The following ZNF573 variants were observed in gnomAD, a reference collection of about 807,000 sequenced individuals.
ZNF573 encodes the protein zinc finger protein 573.
In ZNF573, 41 loss-of-function variants were observed where a neutral mutation model predicts 57.4. The observed-to-expected ratio is 0.71, with a 90% CI of 0.56 to 0.93. The LOEUF (loss-of-function observed/expected upper bound fraction) is 0.93, where lower values mean the gene tolerates loss of function less well. Ranked by LOEUF, ZNF573 falls within the 40% of genes least tolerant of loss-of-function variation. The probability of loss-of-function intolerance (pLI) is 0.00; values close to 1 mark genes in which losing one functional copy is unlikely to be tolerated. For missense variants in ZNF573, 730 were observed against 794.8 expected, an observed-to-expected ratio of 0.92 and a Z score of 0.98; for synonymous variants, 249 against 261.0, an observed-to-expected ratio of 0.95 and a Z score of 0.44.
intron 4 of ZNF573, among the ~76,000 whole-genome samples, chr19:37,740,896 C>T (rs1426636158): frequency 2.0e-5 from 3 of 152,146 alleles, no homozygotes; most frequent in Non-Finnish European, 2.9e-5. Flanking sequence ...CTTACAATAC[C>T]CAATACAATG....
intron 4 of ZNF573, 120 bp downstream of exon 4, chr19:37,769,885 G>A: frequency 2.6e-6 from 2 of 772,810 alleles, no homozygotes; most frequent in Middle Eastern, 2.3e-4. Context: ...CAGGTTGTAG[G>A]CCTTTGCTCC....
chr19:37,771,520 T>C (rs566082505), intron 3 of ZNF573, 44 bp downstream of exon 3: 4 of 1,590,940 alleles, frequency 2.5e-6, no homozygotes, highest in Non-Finnish European at 3.4e-6. Context: ...AAAGGTAACA[T>C]ATCACAGATC....
rs935898131 is a variant in ZNF573 at position 37,764,685 on chromosome 19, G to A, written c.295+5320C>T. 2.0e-5 allele frequency among the ~76,000 whole-genome samples: 3 copies of A among 146,932 alleles called. No individual in the cohort carries two copies. The South Asian group carries it at 6.5e-4, about 32-fold the overall frequency. The stretch of plus-strand genomic sequence containing the variant: ...GTGGTGCTATCTTGGCTCACTGCAA[G>A]CTCCACCTCCCGGGTTCACACCATT... On this transcript the variant is annotated intron_variant, in intron 4 of 4. Transcript: ENST00000536220.
At chr19:37,755,985 C>T (rs7250331) in intron 4 of ZNF573, among the ~76,000 whole-genome samples, 5 of 152,182 alleles carry the variant, frequency 3.3e-5, no homozygotes, top group Non-Finnish European at 5.9e-5. Context: ...TGTGCTCTTT[C>T]GCTTAGGTTA....
At chr19:37,765,176 A>G (rs2045590601) in intron 4 of ZNF573, among the ~76,000 whole-genome samples, 1 of 151,568 alleles carries the variant, frequency 6.6e-6, no homozygotes, top group Admixed American at 6.6e-5. Flanking sequence ...TACAGGCGTG[A>G]GCCACCACAC....
intron 4 of ZNF573, among the ~76,000 whole-genome samples, chr19:37,767,362 G>A (rs1568423063): frequency 6.6e-6 from 1 of 152,066 alleles, no homozygotes; most frequent in Non-Finnish European, 1.5e-5. Context: ...CTGAGTAGCT[G>A]GGACTACAGG....
intron 4 of ZNF573, among the ~76,000 whole-genome samples, chr19:37,753,146 T>C (rs2045454761): frequency 6.6e-6 from 1 of 152,128 alleles, no homozygotes; most frequent in African/African-American, 2.4e-5. Flanking sequence ...GGCACACATC[T>C]GTAGTATATA....
intron 4 of ZNF573, among the ~76,000 whole-genome samples, chr19:37,749,877 G>C (rs1251111906): frequency 1.3e-5 from 2 of 152,216 alleles, no homozygotes; most frequent in African/African-American, 4.8e-5. Context: ...CTAAAAAGTA[G>C]CCACTGCAAA....
intron 4 of ZNF573, among the ~76,000 whole-genome samples, chr19:37,764,327 G>GA (rs2045580990): frequency 7.6e-6 from 1 of 132,358 alleles, no homozygotes; most frequent in East Asian, 2.2e-4. Flanking sequence ...TTTTTTTGTT[G>GA]TTTTTTTTTC....
At chr19:37,766,512 A>AAT (rs2045603348) in intron 4 of ZNF573, among the ~76,000 whole-genome samples, 1 of 152,366 alleles carries the variant, frequency 6.6e-6, no homozygotes, top group African/African-American at 2.4e-5. Context: ...TGTACTCTAG[A>AAT]AAATTTTCAA....
chr19:37,760,048 G>T (rs1386073776), intron 4 of ZNF573, among the ~76,000 whole-genome samples: 2 of 152,208 alleles, frequency 1.3e-5, no homozygotes, highest in African/African-American at 2.4e-5. Flanking sequence ...TTTGTATAAA[G>T]CATGTTCTGG....
chr19:37,770,912 G>A (rs2045653245), intron 3 of ZNF573, among the ~76,000 whole-genome samples: 1 of 132,978 alleles, frequency 7.5e-6, no homozygotes, highest in Non-Finnish European at 1.5e-5. Flanking sequence ...GACATAATGA[G>A]CACAACTGTA....
intron 4 of ZNF573, among the ~76,000 whole-genome samples, chr19:37,769,165 A>G (rs2045629832): frequency 6.7e-6 from 1 of 150,004 alleles, no homozygotes; most frequent in African/African-American, 2.5e-5. Flanking sequence ...GGGTTTCACC[A>G]TTCAAGACCG....
At chr19:37,773,589 C>A in intron 2 of ZNF573, 72 bp downstream of exon 2, 3 of 1,232,902 alleles carry the variant, frequency 2.4e-6, no homozygotes, top group Non-Finnish European at 3.4e-6. Flanking sequence ...AAATAGGAAG[C>A]CTTAGGTTAA....
intron 3 of ZNF573, among the ~76,000 whole-genome samples, chr19:37,771,138 T>C (rs2145330899): frequency 6.6e-6 from 1 of 151,734 alleles, no homozygotes; most frequent in African/African-American, 2.4e-5. Flanking sequence ...GTTCTTCTTA[T>C]ACTCAGAGTA....
chr19:37,758,305 TA>T (rs779955283), intron 4 of ZNF573, among the ~76,000 whole-genome samples: 1,520 of 87,750 alleles, frequency 0.017, 99 homozygotes, highest in Non-Finnish European at 0.026. Flanking sequence ...GCACGTTTTT[TA>T]AAAAAAAAAA....
At chr19:37,761,952 C>G (rs2045557233) in intron 4 of ZNF573, among the ~76,000 whole-genome samples, 1 of 152,058 alleles carries the variant, frequency 6.6e-6, no homozygotes, top group Admixed American at 6.6e-5. Context: ...TTTCCTTGGC[C>G]CGGACAGATA....
chr19:37,762,988 G>T (rs959637954), intron 4 of ZNF573, among the ~76,000 whole-genome samples: 5 of 152,002 alleles, frequency 3.3e-5, no homozygotes, highest in African/African-American at 7.2e-5. Context: ...GAACAGGCTG[G>T]TCTCGAACTC....
chr19:37,778,274 G>A (rs1473862344), intron 1 of ZNF573, among the ~76,000 whole-genome samples: 3 of 149,362 alleles, frequency 2.0e-5, no homozygotes, highest in African/African-American at 7.3e-5. Flanking sequence ...CCAGCACTTT[G>A]GGAGGCCGAG....
Sources: allele counts gnomAD v4.1 joint callset (sites outside exome capture counted in the v4.1 genomes callset), GRCh38; gene constraint gnomAD v4.1.1; transcripts MANE v1.5; gene names NCBI Gene and HGNC (gene_info 2026-07-23, HGNC 2026-07-21).